LAMA1: variants seen among roughly 807,000 people sequenced by gnomAD.
LAMA1 encodes laminin subunit alpha-1.
In LAMA1, 219 loss-of-function variants were observed where a neutral mutation model predicts 348.7. The observed-to-expected ratio is 0.63, with a 90% confidence interval of 0.56 to 0.70. The LOEUF (loss-of-function observed/expected upper bound fraction) is 0.70. LAMA1 is among the 30% of genes least tolerant of loss of function. The pLI is 0.00. For missense variants in LAMA1, 3,744 were observed against 3,888.0 expected (o/e 0.96, Z 0.99); for synonymous variants, 1,487 against 1,491.0 (o/e 1.00, Z 0.06).
chr18:6,995,220 T>C, intron 34 of LAMA1, 137 bp downstream of exon 34: 2 of 719,520 alleles, frequency 2.8e-6, no homozygotes, highest in Non-Finnish European at 5.1e-6. Flanking sequence ...GATGATTAAG[T>C]ACCTGGAGCA....
intron 54 of LAMA1, among the ~76,000 whole-genome samples, chr18:6,959,083 C>T (rs1178766665): frequency 1.3e-5 from 2 of 152,180 alleles, no homozygotes; most frequent in African/African-American, 4.8e-5. Context: ...CAGAATCAAT[C>T]CAATGTAAAG....
chr18:6,967,403 C>G (rs11876370), intron 48 of LAMA1, among the ~76,000 whole-genome samples: 4,716 of 152,218 alleles, frequency 0.031, 251 homozygotes, highest in African/African-American at 0.11. Flanking sequence ...GTGCATGTGC[C>G]GGAGGATAGA....
chr18:7,005,997 C>T (rs28698270), intron 29 of LAMA1, among the ~76,000 whole-genome samples: 2,177 of 152,200 alleles, frequency 0.014, 50 homozygotes, highest in African/African-American at 0.05. Flanking sequence ...CCAGGATCTC[C>T]GAGGCTTCGG....
In LAMA1 at chr18:7,037,698, G is replaced by T; in HGVS notation, c.1617C>A (p.Ile539=). The part of the protein sequence containing the change: ...LVTDLISPRK[I]PSQQDALGGR... ...CGCCTAGTGCATCTTGCTGAGACGG[G>T]ATCTTCCTGGGACTGATCAAGTCGG... Residue 539 remains isoleucine, a synonymous_variant, in exon 12 of 63, where the codon ATC becomes ATA. Transcript: ENST00000389658. The T allele has an allele frequency of 6.2e-7, 1 of 1,614,150 alleles. No homozygotes were observed. The highest frequency in any genetic ancestry group is 8.5e-7 in the Non-Finnish European group (1 of 1,180,022).
chr18:7,017,348 A>G lies in LAMA1; in HGVS notation c.2738T>C (p.Val913Ala), dbSNP rs1384068480. Residue 913 changes from valine to alanine, a missense_variant, in exon 20 of 63, where the codon GTG becomes GCG. Coordinates refer to ENST00000389658, the MANE Select transcript of LAMA1 (RefSeq NM_005559.4). ...ECHVKGSHSAVCHLETGLCDC... is the reference protein window; with the variant it reads ...ECHVKGSHSAACHLETGLCDC... Reference sequence around the variant, plus strand: ...ACAGAGCCCGGTCTCAAGATGGCACACGGCAGAATGGGAGCCTTTCACATG... The same window carrying G: ...ACAGAGCCCGGTCTCAAGATGGCACGCGGCAGAATGGGAGCCTTTCACATG... 6.2e-7 allele frequency: 1 copy of G among 1,614,078 alleles called. No homozygotes were observed. The highest frequency in any genetic ancestry group is 1.1e-5 in the South Asian group (1 of 91,036).
In LAMA1 at chr18:6,955,184, G is replaced by A. The variant is rs1019000173; in HGVS notation, c.8207+169C>T. On this transcript the variant is annotated intron_variant, in intron 57 of 62. Coordinates refer to ENST00000389658, the MANE Select transcript of LAMA1 (RefSeq NM_005559.4). The stretch of plus-strand genomic sequence containing the variant: ...CTCCCCAGTGAACCACCATGAAAGC[G>A]TTGTGATTTGCACCAACACTGAATT... 2.0e-5 allele frequency: 13 copies of A among 655,666 alleles called. No individual in the cohort carries two copies. In the Middle Eastern group the frequency reaches 1.0e-3, roughly 51 times the overall value. 40.6% of individuals were successfully genotyped at this position (655,666 alleles called of 1,614,324 possible). A position where few individuals can be genotyped will look rare whatever the true frequency, so the allele number is the denominator to read the frequency against.
intron 1 of LAMA1, among the ~76,000 whole-genome samples, chr18:7,105,253 CA>C (rs1371837714): frequency 6.6e-6 from 1 of 151,892 alleles, no homozygotes; most frequent in African/African-American, 2.4e-5. Context: ...CCAGCCTGGC[CA>C]ACATGGTGAA....
intron 1 of LAMA1, among the ~76,000 whole-genome samples, chr18:7,088,889 C>A (rs187466367): frequency 4.4e-4 from 67 of 152,194 alleles, no homozygotes; most frequent in African/African-American, 1.5e-3. Flanking sequence ...GGTCTGTAAT[C>A]CCAGCTTCTG....
chr18:7,088,042 A>G (rs1189519374), intron 1 of LAMA1, among the ~76,000 whole-genome samples: 1 of 152,206 alleles, frequency 6.6e-6, no homozygotes, highest in African/African-American at 2.4e-5. Flanking sequence ...TTTTAGAAGA[A>G]GAAGTGGGTT....
chr18:7,005,909 T>A (rs944158514), intron 29 of LAMA1, among the ~76,000 whole-genome samples: 1 of 152,274 alleles, frequency 6.6e-6, no homozygotes, highest in Middle Eastern at 3.4e-3. Flanking sequence ...AATCAAAATG[T>A]GGCGGGAGGC....
In LAMA1 at chr18:6,943,140, A is replaced by T. The variant is rs8091639; in HGVS notation, c.9067+40T>A. ...CTGAACCAAGACTTCCTCCAGGGAC[A>T]GTGCCCCTTTTGAGTGGAAGAGCAG... On this transcript the variant is annotated intron_variant, in intron 62 of 62. Transcript: ENST00000389658. 3.1e-3 allele frequency: 4,733 copies of T among 1,546,762 alleles called. 102 individuals are homozygous for T. In the African/African-American group the frequency reaches 0.056, roughly 18 times the overall value.
Position 6,974,890 on chromosome 18 carries a change from C to T in LAMA1, c.6623+13G>A. The T allele has an allele frequency of 6.2e-7, 1 of 1,614,036 alleles. No individual in the cohort carries two copies. Among genetic ancestry groups the T allele is most frequent in the Non-Finnish European group, 8.5e-7 (1 of 1,179,962 alleles). ...AAAAAAGAGAGCTGCTTTGAGAGAA[C>T]ATTCTCTTCTACCTGGCTACATGGA... On this transcript the variant is annotated intron_variant, in intron 46 of 62. Coordinates refer to ENST00000389658, the MANE Select transcript of LAMA1 (RefSeq NM_005559.4).
At chr18:6,944,830 T>G (rs1237836684) in intron 61 of LAMA1, among the ~76,000 whole-genome samples, 1 of 152,184 alleles carries the variant, frequency 6.6e-6, no homozygotes, top group Non-Finnish European at 1.5e-5. Context: ...GAATTTCAAA[T>G]GTACTTTTTG....
intron 57 of LAMA1, among the ~76,000 whole-genome samples, chr18:6,951,264 G>A (rs2057545456): frequency 6.6e-6 from 1 of 152,204 alleles, no homozygotes. Context: ...GTCCTGTAGA[G>A]GCCAACCAGT....
intron 44 of LAMA1, 142 bp from the exon 45 acceptor site, chr18:6,976,222 T>G: frequency 1.3e-6 from 1 of 771,292 alleles, no homozygotes; most frequent in Non-Finnish European, 2.3e-6. Context: ...TCATGTTTCA[T>G]GAAGTGACAT....
At position 6,973,177 on chromosome 18, in the gene LAMA1, C is replaced by G. The variant is rs1310236532; in HGVS notation, c.6654G>C (p.Lys2218Asn). ...GTGACTTTTGATTTGAGCTCATTTC[C>G]TTTACACTCAGTGAACCAATGTTTC... ...RFGNIGSLSV[K>N]EMSSNQKSPT... is the part of the protein sequence containing the mutation. Residue 2218 changes from lysine to asparagine, a missense_variant, in exon 47 of 63, where the codon AAG becomes AAC. Physicochemically the swap from Lys to Asn is moderately conservative, Grantham distance 94. This residue lies in a region of LAMA1 where 1,983 missense variants were observed against 1,934.3 expected (regional missense o/e 1.03). Transcript: ENST00000389658. The G allele has an allele frequency of 6.2e-7, 1 of 1,614,022 alleles. No individual in the cohort carries two copies. Among genetic ancestry groups the G allele is most frequent in the Non-Finnish European group, 8.5e-7 (1 of 1,180,014 alleles).
chr18:7,015,785 C>G lies in LAMA1; in HGVS notation c.3063G>C (p.Gln1021His). 1.2e-6 allele frequency: 2 copies of G among 1,614,154 alleles called. No individual in the cohort carries two copies. The highest frequency in any genetic ancestry group is 1.1e-5 in the South Asian group (1 of 91,078). The change falls in exon 22 of 63, where the codon CAG becomes CAC. Residue 1021 changes from glutamine (Q) to histidine (H), a missense_variant. Coordinates refer to ENST00000389658, the MANE Select transcript of LAMA1 (RefSeq NM_005559.4). ...CCTCACATTCTTCACACTTCACACC[C>G]TGTGTGTGAGGGGGGCAGACACACT... ...TGECVCPPHTQGVKCEECEDG... is the reference protein window; with the variant it reads ...TGECVCPPHTHGVKCEECEDG...
At chr18:7,028,476 C>T (rs2057954217) in intron 16 of LAMA1, among the ~76,000 whole-genome samples, 1 of 152,122 alleles carries the variant, frequency 6.6e-6, no homozygotes, top group Admixed American at 6.6e-5. Flanking sequence ...CACAAGGCAA[C>T]AGAACAATAT....
chr18:7,054,254 A>C (rs1221140271), intron 3 of LAMA1, among the ~76,000 whole-genome samples: 1 of 152,182 alleles, frequency 6.6e-6, no homozygotes, highest in African/African-American at 2.4e-5. Context: ...GAAAACATTC[A>C]TCATTTAACA....
Sources: gnomAD v4.1 joint callset for allele counts (sites outside exome capture counted in the v4.1 genomes callset) on GRCh38, gnomAD v4.1.1 for gene constraint, gnomAD v4.1.1 regional missense constraint, MANE v1.5 for transcripts, NCBI Gene and HGNC (gene_info 2026-07-23, HGNC 2026-07-21) for gene names.